The following SLC36A3 variants were observed in gnomAD, a reference collection of about 807,000 sequenced individuals.
The protein encoded by SLC36A3 is solute carrier family 36 member 3, also known as proton-coupled amino acid transporter 3.
A neutral mutation model predicts 44.3 loss-of-function variants in SLC36A3; 35 were observed. The ratio of observed to expected loss-of-function variants is 0.79; its 90% confidence interval spans 0.60 to 1.05. The LOEUF is 1.05. SLC36A3 is among the 50% of genes least tolerant of loss of function. The pLI is 0.00. For synonymous variants in SLC36A3, 211 were observed against 227.6 expected (o/e 0.93, Z 0.66); for missense variants, 540 against 578.7 (o/e 0.93, Z 0.69).
rs771472957 is a variant in SLC36A3, at chr5:151,287,383, A to G, written c.571T>C (p.Phe191Leu). The G allele has an allele frequency of 1.9e-6, 3 of 1,614,124 alleles. No individual in the cohort carries two copies. Among genetic ancestry groups the G allele is most frequent in the Non-Finnish European group, 2.5e-6 (3 of 1,180,012 alleles). ...AAGGGCAGGATTATCAGCATGTAGA[A>G]ACGAATGTCCAGGATGGGGGTCAGC... ...LTLTPILDIR[F>L]YMLIILPFLI... is the part of the protein sequence containing the mutation. Residue 191 changes from phenylalanine to leucine, a missense_variant, in exon 6 of 10, where the codon TTC (phenylalanine) becomes CTC (leucine). Physicochemically the swap from Phe to Leu is conservative, Grantham distance 22. Coordinates refer to ENST00000335230, the MANE Select transcript of SLC36A3 (RefSeq NM_181774.4).
intron 4 of SLC36A3, 37 bp downstream of exon 4, chr5:151,293,326 AT>A: frequency 6.5e-7 from 1 of 1,543,042 alleles, no homozygotes; most frequent in Non-Finnish European, 8.9e-7. Context: ...TGATATGATG[AT>A]TTTTGTTGTT....
intron 1 of SLC36A3, among the ~76,000 whole-genome samples, chr5:151,300,979 T>C (rs556874637): frequency 6.6e-6 from 1 of 152,386 alleles, no homozygotes; most frequent in Non-Finnish European, 1.5e-5. Context: ...TTGTAATGAC[T>C]GTATCATATT....
Position 151,277,494 on chromosome 5 carries a change from C to T in SLC36A3, c.1312G>A (p.Val438Met), listed in dbSNP as rs139302345. The change falls in exon 10 of 10, where the codon GTG (valine) becomes ATG (methionine). Residue 438 changes from valine (V) to methionine (M), a missense_variant. Coordinates refer to ENST00000335230, the MANE Select transcript of SLC36A3 (RefSeq NM_181774.4). ...CCAAATATACACCCTAAAAGGCCCA[C>T]GATGCTAATCATGATGTCCTTGGCA... is the stretch of plus-strand genomic sequence containing the variant. ...TIAKDIMISI[V>M]GLLGCIFGTY... The T allele has an allele frequency of 2.2e-5, 35 of 1,614,008 alleles. No individual in the cohort carries two copies. Among genetic ancestry groups the T allele is most frequent in the Middle Eastern group, 1.6e-4 (1 of 6,084 alleles).
At chr5:151,299,883 A>C (rs1395492016) in intron 1 of SLC36A3, among the ~76,000 whole-genome samples, 1 of 152,248 alleles carries the variant, frequency 6.6e-6, no homozygotes, top group Non-Finnish European at 1.5e-5. Flanking sequence ...AGATGTGAGC[A>C]TCATCATCGT....
At chr5:151,288,758 C>T (rs1372721923) in intron 4 of SLC36A3, among the ~76,000 whole-genome samples, 1 of 151,476 alleles carries the variant, frequency 6.6e-6, no homozygotes, top group East Asian at 1.9e-4. Context: ...TCTATACACA[C>T]ACACACATAC....
chr5:151,279,038 C>T (rs933959729), intron 9 of SLC36A3, among the ~76,000 whole-genome samples: 1 of 152,224 alleles, frequency 6.6e-6, no homozygotes, highest in African/African-American at 2.4e-5. Context: ...GACCTCATCT[C>T]TCAGCACTCT....
intron 3 of SLC36A3, among the ~76,000 whole-genome samples, chr5:151,294,976 C>A (rs1022887293): frequency 6.6e-5 from 10 of 151,968 alleles, no homozygotes; most frequent in African/African-American, 2.4e-4. Flanking sequence ...ACTGTGAAGT[C>A]CCCCAAAACA....
At chr5:151,299,260 C>CTATATATATATA (rs1418346991) in intron 1 of SLC36A3, among the ~76,000 whole-genome samples, 14 of 65,464 alleles carry the variant, frequency 2.1e-4, no homozygotes, top group African/African-American at 7.0e-4. Context: ...CTCTCTCTCT[C>CTATATATATATA]TCTCTATATA....
rs1561629886 is a variant in SLC36A3, at chr5:151,284,030, TG to T, written c.974+13del. 6.3e-7 allele frequency: 1 copy of T among 1,598,758 alleles called. No homozygotes were observed. Among genetic ancestry groups the T allele is most frequent in the East Asian group, 2.2e-5 (1 of 44,780 alleles). On this transcript the variant is annotated intron_variant, in intron 8 of 9. Transcript: ENST00000335230. ...GTGTCTCTCCCTATCTCACCTGAGG[TG>T]GGCAGGACATACCAGCAATTGGGCA...
chr5:151,288,379 T>C lies in SLC36A3; in HGVS notation c.489+7A>G. The C allele has an allele frequency of 6.3e-7, 1 of 1,595,146 alleles. No homozygotes were observed. The highest frequency in any genetic ancestry group is 1.1e-5 in the South Asian group (1 of 87,006). On this transcript the variant is annotated splice_region_variant and intron_variant, in intron 5 of 9. Coordinates refer to ENST00000335230, the MANE Select transcript of SLC36A3 (RefSeq NM_181774.4). Reference sequence around the variant, plus strand: ...TCCCCCACTCTGCCCAGAAGAGGGCTCTTTACCTGTTGTAAATTGTCTGCC... The same window carrying C: ...TCCCCCACTCTGCCCAGAAGAGGGCCCTTTACCTGTTGTAAATTGTCTGCC...
At chr5:151,283,312 G>A (rs1754397989) in intron 8 of SLC36A3, among the ~76,000 whole-genome samples, 1 of 152,104 alleles carries the variant, frequency 6.6e-6, no homozygotes, top group Non-Finnish European at 1.5e-5. Flanking sequence ...TTATTGGGAA[G>A]GGATATTTGT....
intron 9 of SLC36A3, 90 bp downstream of exon 9, chr5:151,280,924 G>A (rs1754284309): frequency 6.6e-7 from 1 of 1,511,556 alleles, no homozygotes; most frequent in Non-Finnish European, 9.1e-7. Context: ...CACAAAGAAG[G>A]CAAGTGGCAG....
At chr5:151,296,802 G>A (rs576473178) in intron 2 of SLC36A3, 1 of 155,112 alleles carries the variant, frequency 6.4e-6, no homozygotes, top group East Asian at 1.9e-4. Flanking sequence ...TCTTCCCCCA[G>A]ATTGTGGCAA....
intron 2 of SLC36A3, 198 bp from the exon 3 acceptor site, chr5:151,296,466 A>G (rs1458504256): frequency 9.9e-6 from 6 of 603,698 alleles, no homozygotes; most frequent in African/African-American, 1.9e-5. Flanking sequence ...TGGCTGCCCA[A>G]CTTCTGCTAG....
intron 4 of SLC36A3, among the ~76,000 whole-genome samples, chr5:151,292,100 A>G (rs939835050): frequency 3.9e-5 from 6 of 152,102 alleles, no homozygotes; most frequent in African/African-American, 7.2e-5. Flanking sequence ...ACCTCAGGTG[A>G]TCCACCCACC....
intron 4 of SLC36A3, among the ~76,000 whole-genome samples, chr5:151,289,462 C>T (rs1200738266): frequency 1.3e-5 from 2 of 151,202 alleles, no homozygotes; most frequent in Non-Finnish European, 2.9e-5. Flanking sequence ...CACCACTACA[C>T]TCTAGCCTGA....
intron 6 of SLC36A3, among the ~76,000 whole-genome samples, chr5:151,286,574 G>A (rs895642903): frequency 1.3e-5 from 2 of 152,182 alleles, no homozygotes; most frequent in African/African-American, 4.8e-5. Flanking sequence ...TTACAGGTGT[G>A]AGCCACTGTG....
At chr5:151,298,346 C>A (rs570665872) in intron 2 of SLC36A3, 71 of 457,336 alleles carry the variant, frequency 1.6e-4, no homozygotes, top group Middle Eastern at 5.9e-4. Context: ...GGGAGGACTG[C>A]GGGGAGAATT....
At chr5:151,292,722 A>G (rs961553868) in intron 4 of SLC36A3, among the ~76,000 whole-genome samples, 3 of 152,214 alleles carry the variant, frequency 2.0e-5, no homozygotes, top group African/African-American at 4.8e-5. Context: ...GGTGGTTCAC[A>G]CCTATAATCC....
Sources: allele counts gnomAD v4.1 joint callset (sites outside exome capture counted in the v4.1 genomes callset), GRCh38; gene constraint gnomAD v4.1.1; transcripts MANE v1.5; gene names NCBI Gene and HGNC (gene_info 2026-07-23, HGNC 2026-07-21).